The following TCF12 variants were observed in gnomAD, a reference collection of about 807,000 sequenced individuals.
The protein encoded by TCF12 is DNA-binding protein HTF4.
In TCF12, 45 loss-of-function variants were observed where a neutral mutation model predicts 86.0. The ratio of observed to expected loss-of-function variants is 0.52; its 90% CI spans 0.41 to 0.67. The LOEUF is 0.67. Ranked by LOEUF, TCF12 falls within the 30% of genes least tolerant of loss-of-function variation. The pLI, the probability that TCF12 is intolerant of heterozygous loss-of-function variation, is 0.00. For synonymous variants in TCF12, 330 were observed against 299.6 expected, an observed-to-expected ratio of 1.10 and a Z score of -1.05; for missense variants, 881 against 859.9, an observed-to-expected ratio of 1.02 and a Z score of -0.31.
intron 5 of TCF12, among the ~76,000 whole-genome samples, chr15:57,101,601 A>G (rs1302275139): frequency 6.6e-6 from 1 of 152,154 alleles, no homozygotes; most frequent in Non-Finnish European, 1.5e-5. Context: ...GCGTGCGTGC[A>G]CACACACACG....
chr15:57,057,197 G>A (rs771311444), intron 3 of TCF12, among the ~76,000 whole-genome samples: 5 of 152,202 alleles, frequency 3.3e-5, no homozygotes, highest in Non-Finnish European at 5.9e-5. Context: ...CCAGGACTCA[G>A]CCAAAGATGT....
chr15:57,075,796 T>TTCTC (rs1479537114), intron 4 of TCF12, among the ~76,000 whole-genome samples: 1 of 26,030 alleles, frequency 3.8e-5, no homozygotes, highest in Non-Finnish European at 8.0e-5. Flanking sequence ...CTTTCTTTCT[T>TTCTC]TCTTTCTTTC....
intron 4 of TCF12, among the ~76,000 whole-genome samples, chr15:57,073,394 A>T (rs529852208): frequency 1.6e-4 from 25 of 152,346 alleles, no homozygotes; most frequent in Admixed American, 4.6e-4. Flanking sequence ...GGGAATAAAA[A>T]GTAGGGTGAC....
chr15:57,028,493 A>G (rs183643851), intron 3 of TCF12, among the ~76,000 whole-genome samples: 5 of 152,148 alleles, frequency 3.3e-5, no homozygotes, highest in Admixed American at 1.3e-4. Flanking sequence ...TCATGTGCTT[A>G]TTGTTCATGT....
chr15:57,218,109 G>T (rs2058408562), intron 8 of TCF12, among the ~76,000 whole-genome samples: 1 of 152,124 alleles, frequency 6.6e-6, no homozygotes, highest in Non-Finnish European at 1.5e-5. Context: ...TGATCAATAT[G>T]TTAGTAAAAA....
At chr15:56,994,519 A>G (rs1466136912) in intron 3 of TCF12, among the ~76,000 whole-genome samples, 1 of 152,146 alleles carries the variant, frequency 6.6e-6, no homozygotes, top group African/African-American at 2.4e-5. Flanking sequence ...ATGCCCAGAT[A>G]TGTCATAATT....
rs530458172 is a variant in TCF12 at position 57,067,495 on chromosome 15, C to T, written c.222+3672C>T. ...GCGGAACTCGCAGTGAGCCAGATCCCGCCACTGCACTCCAGCCTGGGCGAC... is the reference window on the plus strand; with the variant it reads ...GCGGAACTCGCAGTGAGCCAGATCCTGCCACTGCACTCCAGCCTGGGCGAC... On this transcript the variant is annotated intron_variant, in intron 4 of 20. Coordinates refer to ENST00000333725, the MANE Select transcript of TCF12 (RefSeq NM_207037.2). Among the ~76,000 whole-genome samples, 64 of 144,322 alleles carry T rather than the reference C, an allele frequency of 4.4e-4. 1 individual carries two copies. The highest frequency in any genetic ancestry group is 1.5e-3 in the African/African-American group (56 of 37,952). The allele number at this position is 144,322 out of a possible 152,430, so 94.7% of individuals were successfully genotyped here. A position where few individuals can be genotyped will look rare whatever the true frequency, so the allele number is the denominator to read the frequency against.
At chr15:57,210,589 C>A (rs2058061235) in intron 8 of TCF12, among the ~76,000 whole-genome samples, 1 of 152,034 alleles carries the variant, frequency 6.6e-6, no homozygotes, top group African/African-American at 2.4e-5. Flanking sequence ...ATTTGTTTTC[C>A]AATGTGAGGT....
At chr15:57,279,950 G>C (rs12910109) in intron 19 of TCF12, among the ~76,000 whole-genome samples, 1 of 143,714 alleles carries the variant, frequency 7.0e-6, no homozygotes, top group Non-Finnish European at 1.5e-5. Flanking sequence ...CTGGAGTGCA[G>C]TGGCGCGATT....
chr15:57,063,171 G>A lies in TCF12; in HGVS notation c.149-579G>A, dbSNP rs147132639. Reference sequence around the variant, plus strand: ...AATTGTGTATAATTTTAGAAGAGATGGAAGTGTCACCCACAAAATTACTAA... The same window carrying A: ...AATTGTGTATAATTTTAGAAGAGATAGAAGTGTCACCCACAAAATTACTAA... On this transcript the variant is annotated intron_variant, in intron 3 of 20. Coordinates refer to ENST00000333725, the MANE Select transcript of TCF12 (RefSeq NM_207037.2). 3.5e-3 allele frequency among the ~76,000 whole-genome samples: 536 copies of A among 152,252 alleles called. 3 individuals carry two copies. Among genetic ancestry groups the A allele is most frequent in the African/African-American group, 0.012 (510 of 41,522 alleles).
chr15:57,101,615 A>G (rs188693133), intron 5 of TCF12, among the ~76,000 whole-genome samples: 19 of 152,386 alleles, frequency 1.2e-4, no homozygotes, highest in Admixed American at 6.5e-4. Context: ...ACACACGTGC[A>G]TATGCACCCA....
At chr15:56,990,084 C>A (rs1447718846) in intron 3 of TCF12, among the ~76,000 whole-genome samples, 2 of 150,400 alleles carry the variant, frequency 1.3e-5, no homozygotes, top group African/African-American at 4.9e-5. Context: ...AAAATGTATT[C>A]AGCAGGCAAA....
intron 5 of TCF12, among the ~76,000 whole-genome samples, chr15:57,105,928 T>C: frequency 6.6e-6 from 1 of 152,214 alleles, no homozygotes; most frequent in Non-Finnish European, 1.5e-5. Flanking sequence ...AGTGGTTGAT[T>C]ACTGTCAGCA....
intron 3 of TCF12, among the ~76,000 whole-genome samples, chr15:56,992,981 C>T (rs1233289693): frequency 1.3e-5 from 2 of 152,098 alleles, no homozygotes; most frequent in African/African-American, 4.8e-5. Flanking sequence ...ATCTATAAAA[C>T]CTAGGCAAAA....
intron 5 of TCF12, among the ~76,000 whole-genome samples, chr15:57,132,978 C>G (rs2052249669): frequency 6.6e-6 from 1 of 152,170 alleles, no homozygotes; most frequent in African/African-American, 2.4e-5. Context: ...GCCAGTGACT[C>G]TACATTTAAA....
chr15:56,976,176 A>G (rs2062587966), intron 3 of TCF12, among the ~76,000 whole-genome samples: 4 of 151,106 alleles, frequency 2.6e-5, no homozygotes, highest in Non-Finnish European at 5.9e-5. Context: ...TGTCTTTTCT[A>G]TAAGAACTGT....
At chr15:57,252,570 C>G (rs1473627858) in intron 15 of TCF12, 78 bp downstream of exon 15, 1 of 1,182,926 alleles carries the variant, frequency 8.5e-7, no homozygotes, top group Non-Finnish European at 1.2e-6. Flanking sequence ...AATCTTTAAG[C>G]TGTACAGACT....
intron 8 of TCF12, among the ~76,000 whole-genome samples, chr15:57,209,000 G>A (rs575245389): frequency 2.2e-4 from 34 of 152,320 alleles, no homozygotes; most frequent in African/African-American, 8.2e-4. Flanking sequence ...ACAGGTGTGA[G>A]TCACTGCGGC....
intron 4 of TCF12, among the ~76,000 whole-genome samples, chr15:57,082,052 T>G (rs1351876132): frequency 6.6e-6 from 1 of 152,222 alleles, no homozygotes; most frequent in Non-Finnish European, 1.5e-5. Flanking sequence ...TAAATAAACA[T>G]TGTTTCACTA....
Sources: allele counts gnomAD v4.1 joint callset (sites outside exome capture counted in the v4.1 genomes callset), GRCh38; gene constraint gnomAD v4.1.1; transcripts MANE v1.5; gene names NCBI Gene and HGNC (gene_info 2026-07-23, HGNC 2026-07-21).